RTN1: variants seen among roughly 807,000 people sequenced by gnomAD.
RTN1 encodes reticulon 1.
In RTN1, 25 loss-of-function variants were observed where a neutral mutation model predicts 65.5. The observed-to-expected ratio is 0.38, with a 90% CI of 0.28 to 0.53. The LOEUF (loss-of-function observed/expected upper bound fraction) is 0.53. Among genes scored for constraint, RTN1 ranks in the 20% least tolerant of loss-of-function variants. RTN1 has a pLI of 0.79. For synonymous variants in RTN1, 471 were observed against 447.6 expected (o/e 1.05, Z -0.66); for missense variants, 983 against 1,025.4 (o/e 0.96, Z 0.57).
At chr14:59,671,856 G>A (rs796977178) in intron 3 of RTN1, among the ~76,000 whole-genome samples, 14 of 152,284 alleles carry the variant, frequency 9.2e-5, no homozygotes, top group Admixed American at 2.6e-4. Flanking sequence ...GCAGAGAGAC[G>A]ATATTGTACG....
chr14:59,653,725 C>G (rs1002429003), intron 3 of RTN1, among the ~76,000 whole-genome samples: 1 of 151,874 alleles, frequency 6.6e-6, no homozygotes, highest in African/African-American at 2.4e-5. Context: ...CCCTAATATA[C>G]ATACTCCCAG....
At chr14:59,693,589 A>G (rs1455655678) in intron 3 of RTN1, among the ~76,000 whole-genome samples, 1 of 152,146 alleles carries the variant, frequency 6.6e-6, no homozygotes, top group Non-Finnish European at 1.5e-5. Context: ...GCTCCCACTT[A>G]TAAGTGAGAA....
chr14:59,739,100 G>T (rs1885062354), intron 2 of RTN1, among the ~76,000 whole-genome samples: 1 of 151,974 alleles, frequency 6.6e-6, no homozygotes, highest in African/African-American at 2.4e-5. Flanking sequence ...AAACACCATG[G>T]CACATGTTTA....
chr14:59,673,728 G>C (rs1381798221), intron 3 of RTN1, among the ~76,000 whole-genome samples: 1 of 152,132 alleles, frequency 6.6e-6, no homozygotes, highest in Non-Finnish European at 1.5e-5. Flanking sequence ...TGGGCACAGA[G>C]GTCCTCGCTC....
At chr14:59,668,834 G>T (rs1057451596) in intron 3 of RTN1, among the ~76,000 whole-genome samples, 14 of 152,338 alleles carry the variant, frequency 9.2e-5, no homozygotes, top group African/African-American at 2.9e-4. Flanking sequence ...CATCTATGCA[G>T]CCAGTAGACA....
rs144635512 is a variant in RTN1, at chr14:59,686,141, A to C, written c.1765+40778T>G. ...ACAGGCAGAAAAGTGGAAAATTGTT[A>C]TCTCTCACCATATACAAACATCCAG... On this transcript the variant is annotated intron_variant, in intron 3 of 8. Coordinates refer to ENST00000267484, the MANE Select transcript of RTN1 (RefSeq NM_021136.3). Among the ~76,000 whole-genome samples the C allele has an allele frequency of 3.3e-5, 5 of 152,318 alleles. No individual in the cohort carries two copies. The East Asian group carries it at 9.6e-4, about 29-fold the overall frequency.
intron 3 of RTN1, among the ~76,000 whole-genome samples, chr14:59,619,534 G>A (rs8011176): frequency 0.72 from 109,887 of 152,090 alleles, 40,014 homozygotes; most frequent in East Asian, 0.85. Flanking sequence ...GCCATTGGAA[G>A]TGCAGGGCTA....
chr14:59,645,215 T>A (rs999746726), intron 3 of RTN1, among the ~76,000 whole-genome samples: 2 of 152,104 alleles, frequency 1.3e-5, no homozygotes, highest in Non-Finnish European at 2.9e-5. Flanking sequence ...CTCCCTGGGA[T>A]GGAGCTCCCA....
chr14:59,611,158 G>C (rs1483735660), intron 3 of RTN1, among the ~76,000 whole-genome samples: 2 of 152,202 alleles, frequency 1.3e-5, no homozygotes, highest in Non-Finnish European at 2.9e-5. Flanking sequence ...TGATGAATTA[G>C]CTCTGTCTAG....
intron 3 of RTN1, among the ~76,000 whole-genome samples, chr14:59,724,261 G>C (rs1217402484): frequency 2.0e-5 from 3 of 152,122 alleles, no homozygotes; most frequent in Non-Finnish European, 4.4e-5. Flanking sequence ...TCCAAAACTA[G>C]GCCTTGTTAG....
chr14:59,762,048 A>G (rs568273574), intron 1 of RTN1, among the ~76,000 whole-genome samples: 78 of 152,318 alleles, frequency 5.1e-4, no homozygotes, highest in African/African-American at 1.8e-3. Flanking sequence ...GTGTGGCATG[A>G]CATGGTATGC....
At chr14:59,731,063 A>G (rs1884885263) in intron 2 of RTN1, among the ~76,000 whole-genome samples, 1 of 152,230 alleles carries the variant, frequency 6.6e-6, no homozygotes, top group Non-Finnish European at 1.5e-5. Context: ...GAATGTTCAT[A>G]ACAGCATTAT....
chr14:59,679,807 G>A (rs147214208), intron 3 of RTN1, among the ~76,000 whole-genome samples: 23 of 152,234 alleles, frequency 1.5e-4, no homozygotes, highest in African/African-American at 5.5e-4. Flanking sequence ...CTTCCATACA[G>A]ACTTGCATAT....
At chr14:59,630,135 A>C (rs1882503369) in intron 3 of RTN1, among the ~76,000 whole-genome samples, 2 of 152,030 alleles carry the variant, frequency 1.3e-5, no homozygotes, top group African/African-American at 2.4e-5. Flanking sequence ...AGAAAACATT[A>C]AACAAGTACT....
intron 3 of RTN1, among the ~76,000 whole-genome samples, chr14:59,724,280 C>T (rs1399466771): frequency 1.3e-5 from 2 of 152,204 alleles, no homozygotes; most frequent in Non-Finnish European, 2.9e-5. Context: ...AGAGCACGTG[C>T]ACCAGTTACC....
In RTN1 at chr14:59,868,432, G is replaced by A. The variant is rs1267796389; in HGVS notation, c.241+1958C>T. On this transcript the variant is annotated intron_variant, in intron 1 of 8. Transcript: ENST00000267484. This position sits in a 1 kb window ranked among gnomAD's most constrained non-coding sequence, Gnocchi z 4.0. ...GAAAACCCCAAACACATTCAATAAA[G>A]CAAGGTATTTCTATAATAATAATAC... is the stretch of plus-strand genomic sequence containing the variant. 6.6e-6 allele frequency among the ~76,000 whole-genome samples: 1 copy of A among 152,048 alleles called. No individual in the cohort carries two copies. The highest frequency in any genetic ancestry group is 1.5e-5 in the Non-Finnish European group (1 of 68,018).
intron 3 of RTN1, among the ~76,000 whole-genome samples, chr14:59,618,224 C>CATAAGATGAGAAATT (rs1211326084): frequency 6.6e-6 from 1 of 152,184 alleles, no homozygotes; most frequent in East Asian, 1.9e-4. Context: ...TAACATTAGC[C>CATAAGATGAGAAATT]ATAAGATGAG....
At chr14:59,697,053 T>G (rs1454595372) in intron 3 of RTN1, among the ~76,000 whole-genome samples, 1 of 152,198 alleles carries the variant, frequency 6.6e-6, no homozygotes, top group Non-Finnish European at 1.5e-5. Context: ...CATTTTTTTT[T>G]GTCCACTTGT....
At chr14:59,619,084 C>T (rs986832969) in intron 3 of RTN1, among the ~76,000 whole-genome samples, 21 of 152,098 alleles carry the variant, frequency 1.4e-4, no homozygotes, top group African/African-American at 5.1e-4. Context: ...GTGAGTGTGG[C>T]GGACAATTTG....
Sources: allele counts gnomAD v4.1 joint callset (sites outside exome capture counted in the v4.1 genomes callset), GRCh38; gene constraint gnomAD v4.1.1; non-coding constraint Gnocchi (gnomAD v3.1); transcripts MANE v1.5; gene names NCBI Gene and HGNC (gene_info 2026-07-23, HGNC 2026-07-21).